ZNF385D: variants seen among roughly 807,000 people sequenced by gnomAD.
ZNF385D encodes the protein zinc finger protein 385D.
A neutral mutation model predicts 35.8 loss-of-function variants in ZNF385D; 15 were observed. That is an observed-to-expected ratio of 0.42 (90% CI 0.28 to 0.64). The LOEUF (loss-of-function observed/expected upper bound fraction) is 0.64. Among genes scored for constraint, ZNF385D ranks in the 30% least tolerant of loss-of-function variants. ZNF385D has a pLI of 0.23. For missense variants in ZNF385D, 474 were observed against 494.6 expected (o/e 0.96, Z 0.39); for synonymous variants, 212 against 186.8 (o/e 1.13, Z -1.10).
intron 3 of ZNF385D, among the ~76,000 whole-genome samples, chr3:22,113,932 C>T (rs1036143517): frequency 1.3e-5 from 2 of 152,016 alleles, no homozygotes; most frequent in African/African-American, 4.8e-5. Context: ...TAATAGGGTA[C>T]ATTCATTGGA....
chr3:22,177,320 G>C (rs1257722614), intron 2 of ZNF385D, among the ~76,000 whole-genome samples: 1 of 152,160 alleles, frequency 6.6e-6, no homozygotes, highest in Non-Finnish European at 1.5e-5. Flanking sequence ...TAAAACTTAA[G>C]AAAGGTTTGC....
chr3:22,005,553 T>G (rs767187401), intron 3 of ZNF385D, among the ~76,000 whole-genome samples: 1 of 152,126 alleles, frequency 6.6e-6, no homozygotes, highest in African/African-American at 2.4e-5. Context: ...ATACCCTGAT[T>G]TGACCATTGC....
intron 3 of ZNF385D, among the ~76,000 whole-genome samples, chr3:21,529,341 G>A (rs2061864178): frequency 1.3e-5 from 2 of 152,072 alleles, no homozygotes; most frequent in Non-Finnish European, 2.9e-5. Context: ...AAGGAGACTT[G>A]CAAATGATTG....
At chr3:22,132,923 T>C (rs551697097) in intron 3 of ZNF385D, among the ~76,000 whole-genome samples, 3 of 152,128 alleles carry the variant, frequency 2.0e-5, no homozygotes, top group African/African-American at 7.2e-5. Context: ...GGTTAACTTA[T>C]GAAAATGTAA....
At chr3:21,783,179 A>G (rs376717361) in intron 3 of ZNF385D, among the ~76,000 whole-genome samples, 2 of 152,182 alleles carry the variant, frequency 1.3e-5, no homozygotes, top group African/African-American at 4.8e-5. Context: ...GAATTTTCAG[A>G]TTGTAAATAC....
chr3:21,742,299 G>A (rs1575572945), intron 1 of ZNF385D, among the ~76,000 whole-genome samples: 1 of 152,226 alleles, frequency 6.6e-6, no homozygotes, highest in Non-Finnish European at 1.5e-5. Flanking sequence ...TTGGTGAAGA[G>A]CTGCCAAAAG....
chr3:21,972,094 A>G (rs867743290), intron 3 of ZNF385D, among the ~76,000 whole-genome samples: 15 of 151,970 alleles, frequency 9.9e-5, no homozygotes, highest in African/African-American at 3.6e-4. Context: ...GATATGCACT[A>G]AGAACAAATG....
At chr3:22,251,421 C>T (rs1357696216) in intron 2 of ZNF385D, among the ~76,000 whole-genome samples, 1 of 152,122 alleles carries the variant, frequency 6.6e-6, no homozygotes, top group Non-Finnish European at 1.5e-5. Flanking sequence ...GTTGGTTGTA[C>T]GTAACCCCTT....
At chr3:22,008,479 G>T (rs1359910276) in intron 3 of ZNF385D, among the ~76,000 whole-genome samples, 1 of 150,886 alleles carries the variant, frequency 6.6e-6, no homozygotes, top group African/African-American at 2.4e-5. Flanking sequence ...TCAGCCTCCC[G>T]AGTAGTAGCT....
At chr3:21,936,538 T>A (rs987384641) in intron 3 of ZNF385D, among the ~76,000 whole-genome samples, 1 of 152,018 alleles carries the variant, frequency 6.6e-6, no homozygotes, top group Admixed American at 6.6e-5. Flanking sequence ...AACACATAGT[T>A]TTTTTTATAG....
At chr3:22,173,347 A>T (rs940714297) in intron 2 of ZNF385D, among the ~76,000 whole-genome samples, 1 of 152,222 alleles carries the variant, frequency 6.6e-6, no homozygotes, top group Non-Finnish European at 1.5e-5. Context: ...TTAGTTCGTT[A>T]GTTGTAATAA....
In ZNF385D at chr3:21,751,039, G is replaced by A. The variant is rs2070052250; in HGVS notation, c.-123C>T. The A allele has an allele frequency of 6.4e-7, 1 of 1,563,438 alleles. No homozygotes were observed. The highest frequency in any genetic ancestry group is 8.7e-7 in the Non-Finnish European group (1 of 1,154,650). Reference sequence around the variant, plus strand: ...AAATGTCCCCGGCGTGGAGAGCAGTGAGCGCCGAGAGCGTGCCTCCTCCGC... The same window carrying A: ...AAATGTCCCCGGCGTGGAGAGCAGTAAGCGCCGAGAGCGTGCCTCCTCCGC... On this transcript the variant is annotated 5_prime_UTR_variant, in exon 1 of 8. Transcript: ENST00000281523.
chr3:21,554,782 T>C (rs1037774150), intron 3 of ZNF385D, among the ~76,000 whole-genome samples: 5 of 152,188 alleles, frequency 3.3e-5, no homozygotes, highest in African/African-American at 1.2e-4. Flanking sequence ...GTTTATGTTA[T>C]GGAGAGGACT....
intron 2 of ZNF385D, among the ~76,000 whole-genome samples, chr3:21,605,396 C>T (rs926883976): frequency 1.3e-5 from 2 of 152,130 alleles, no homozygotes; most frequent in African/African-American, 2.4e-5. Context: ...AAGAGTAAGA[C>T]AGAATGTGAA....
intron 2 of ZNF385D, among the ~76,000 whole-genome samples, chr3:21,599,347 G>C (rs550002464): frequency 6.6e-6 from 1 of 152,138 alleles, no homozygotes; most frequent in East Asian, 1.9e-4. Context: ...GAATGAATGA[G>C]GTGTGGTATA....
intron 2 of ZNF385D, among the ~76,000 whole-genome samples, chr3:21,651,343 A>G (rs1377412612): frequency 6.6e-6 from 1 of 151,056 alleles, no homozygotes; most frequent in Non-Finnish European, 1.5e-5. Flanking sequence ...GGCTAAGAGC[A>G]TATAAAATAT....
chr3:22,260,072 T>C (rs1298424212), intron 2 of ZNF385D, among the ~76,000 whole-genome samples: 2 of 152,016 alleles, frequency 1.3e-5, no homozygotes, highest in East Asian at 1.9e-4. Flanking sequence ...AATTAGATTA[T>C]TTACAGTGTG....
intron 3 of ZNF385D, among the ~76,000 whole-genome samples, chr3:21,773,705 T>C (rs1040172761): frequency 6.7e-6 from 1 of 150,018 alleles, no homozygotes; most frequent in Non-Finnish European, 1.5e-5. Context: ...GAAATGAAAA[T>C]CAAAACTACA....
At chr3:21,664,003 C>G (rs902079084) in intron 2 of ZNF385D, among the ~76,000 whole-genome samples, 3 of 147,924 alleles carry the variant, frequency 2.0e-5, no homozygotes, top group African/African-American at 7.4e-5. Context: ...AGTGACCTCT[C>G]ATGTTAATCC....
Sources: gnomAD v4.1 joint callset for allele counts (sites outside exome capture counted in the v4.1 genomes callset) on GRCh38, gnomAD v4.1.1 for gene constraint, MANE v1.5 for transcripts, NCBI Gene and HGNC (gene_info 2026-07-23, HGNC 2026-07-21) for gene names.